The following SH3D19 variants were observed in gnomAD, a reference collection of about 807,000 sequenced individuals.
SH3D19 encodes the protein SH3 domain-containing protein 19.
In SH3D19, 58 loss-of-function variants were observed where a neutral mutation model predicts 112.1. That is an observed-to-expected ratio of 0.52 (90% confidence interval 0.42 to 0.64). SH3D19 has a LOEUF of 0.64. SH3D19 is among the 30% of genes least tolerant of loss of function. The probability of loss-of-function intolerance (pLI) is 0.00; values close to 1 mark genes in which losing one functional copy is unlikely to be tolerated. For missense variants in SH3D19, 1,090 were observed against 1,263.4 expected, an observed-to-expected ratio of 0.86 and a Z score of 2.08; for synonymous variants, 391 against 448.5, an observed-to-expected ratio of 0.87 and a Z score of 1.62.
chr4:151,184,522 G>A (rs183803144), intron 3 of SH3D19, among the ~76,000 whole-genome samples: 1 of 152,218 alleles, frequency 6.6e-6, no homozygotes, highest in African/African-American at 2.4e-5. Flanking sequence ...AGACAACTGA[G>A]TTAAAAACCA....
intron 1 of SH3D19, among the ~76,000 whole-genome samples, chr4:151,313,468 G>C (rs1212426233): frequency 6.6e-6 from 1 of 151,866 alleles, no homozygotes; most frequent in Non-Finnish European, 1.5e-5. Flanking sequence ...CCAGGCTGGA[G>C]TGCAGTGGTG....
chr4:151,215,080 G>A (rs1413598123), intron 2 of SH3D19, among the ~76,000 whole-genome samples: 3 of 151,956 alleles, frequency 2.0e-5, no homozygotes, highest in South Asian at 2.1e-4. Context: ...ATGGGCGGCC[G>A]GGCAGAGACG....
chr4:151,149,982 G>C (rs369664995), intron 9 of SH3D19, among the ~76,000 whole-genome samples: 1 of 151,480 alleles, frequency 6.6e-6, no homozygotes, highest in East Asian at 1.9e-4. Flanking sequence ...TCAGGAGATA[G>C]AGACCATCCT....
At chr4:151,192,711 T>C (rs1465115589) in intron 2 of SH3D19, among the ~76,000 whole-genome samples, 1 of 152,190 alleles carries the variant, frequency 6.6e-6, no homozygotes, top group Non-Finnish European at 1.5e-5. Context: ...TACAAGCCTT[T>C]GTGAACGCTG....
In SH3D19 at chr4:151,299,580, C is replaced by CCA. The variant is rs1728144249; in HGVS notation, c.112+25660_112+25661insTG. Among the ~76,000 whole-genome samples, 6 of 92,798 alleles carry CCA rather than the reference C, an allele frequency of 6.5e-5. No homozygotes were observed. The South Asian group carries it at 2.4e-3, about 37-fold the overall frequency. 60.9% of individuals were successfully genotyped at this position (92,798 alleles called of 152,430 possible). A position where few individuals can be genotyped will look rare whatever the true frequency, so the allele number is the denominator to read the frequency against. ...GGGCAACAAGAGCGAAACTCCGTCT[C>CCA]AAAAAAAAAAAAAAAAAAAAATTAA... On this transcript the variant is annotated intron_variant, in intron 1 of 19. Transcript: ENST00000604030.
At chr4:151,230,475 T>C (rs940050517) in intron 1 of SH3D19, among the ~76,000 whole-genome samples, 2 of 152,182 alleles carry the variant, frequency 1.3e-5, no homozygotes, top group African/African-American at 4.8e-5. Flanking sequence ...CTTACTTTAC[T>C]GACTCAAGTT....
At chr4:151,197,518 G>A (rs1763652469) in intron 2 of SH3D19, among the ~76,000 whole-genome samples, 1 of 152,150 alleles carries the variant, frequency 6.6e-6, no homozygotes, top group African/African-American at 2.4e-5. Flanking sequence ...CAAACAAGGG[G>A]GTGTGTGCAT....
At chr4:151,277,897 C>T (rs760361607) in intron 1 of SH3D19, among the ~76,000 whole-genome samples, 72 of 151,952 alleles carry the variant, frequency 4.7e-4, no homozygotes, top group African/African-American at 1.5e-3. Flanking sequence ...AAAAATTAGC[C>T]GGGCGTGGTG....
At chr4:151,197,908 A>G (rs142425999) in intron 2 of SH3D19, among the ~76,000 whole-genome samples, 41 of 152,332 alleles carry the variant, frequency 2.7e-4, no homozygotes, top group African/African-American at 9.4e-4. Context: ...TGAGGCAGAT[A>G]CTTTTTTTAA....
chr4:151,137,785 C>T lies in SH3D19; in HGVS notation c.2374G>A (p.Gly792Arg). ...ATGCCAATCTGGTTTCTACAGTTCCCTCTGTACCAATCTGTATCTATCTTC... is the reference window on the plus strand; with the variant it reads ...ATGCCAATCTGGTTTCTACAGTTCCTTCTGTACCAATCTGTATCTATCTTC... ...LEKIDTDWYRGNCRNQIGIFP... is the reference protein window; with the variant it reads ...LEKIDTDWYRRNCRNQIGIFP... Residue 792 changes from glycine to arginine, a missense_variant, in exon 14 of 20, where the codon GGG becomes AGG. Coordinates refer to ENST00000604030, the MANE Select transcript of SH3D19 (RefSeq NM_001378122.1). 1 of 1,610,242 alleles carries T rather than the reference C, an allele frequency of 6.2e-7. No homozygotes were observed. The highest frequency in any genetic ancestry group is 8.5e-7 in the Non-Finnish European group (1 of 1,178,406).
chr4:151,169,183 T>C (rs1449433816), intron 7 of SH3D19, among the ~76,000 whole-genome samples: 1 of 152,228 alleles, frequency 6.6e-6, no homozygotes. Context: ...GTATTCAAAG[T>C]GTCCTAGCTT....
Position 151,165,439 on chromosome 4 carries a change from C to T in SH3D19, c.1642+150G>A, listed in dbSNP as rs148843019. The T allele has an allele frequency of 4.6e-4, 284 of 611,424 alleles. 1 individual carries two copies. Among genetic ancestry groups the T allele is most frequent in the African/African-American group, 4.5e-3 (241 of 53,440 alleles). The allele number at this position is 611,424 out of a possible 1,614,324, so 37.9% of individuals were successfully genotyped here. ...ATCCAAATTTACTGAACTAATTCTT[C>T]GAAGAATTGTGAAAAAACAATTTGC... On this transcript the variant is annotated intron_variant, in intron 8 of 19. Coordinates refer to ENST00000604030, the MANE Select transcript of SH3D19 (RefSeq NM_001378122.1).
At chr4:151,208,424 G>A (rs1765427761) in intron 2 of SH3D19, among the ~76,000 whole-genome samples, 1 of 152,152 alleles carries the variant, frequency 6.6e-6, no homozygotes. Flanking sequence ...AGGTTGGAGT[G>A]CAAAGGTGCA....
At chr4:151,200,102 G>T (rs1005813554) in intron 2 of SH3D19, among the ~76,000 whole-genome samples, 1 of 152,150 alleles carries the variant, frequency 6.6e-6, no homozygotes, top group Non-Finnish European at 1.5e-5. Flanking sequence ...CAGGGAGTCT[G>T]CTGGTGTCTT....
intron 1 of SH3D19, among the ~76,000 whole-genome samples, chr4:151,230,022 A>G (rs1769482399): frequency 6.6e-6 from 1 of 152,256 alleles, no homozygotes; most frequent in Non-Finnish European, 1.5e-5. Context: ...GGGGGAACCC[A>G]TGGTATGTCA....
chr4:151,268,710 G>A (rs113846963), intron 1 of SH3D19, among the ~76,000 whole-genome samples: 10,933 of 139,348 alleles, frequency 0.078, 443 homozygotes, highest in East Asian at 0.18. Context: ...TTGTTCTTGC[G>A]ATAGTTTACT....
rs552860449 is a variant in SH3D19, at chr4:151,144,151, G to A, written c.2083-101C>T. ...TGGAGCCTAAAGCATTTAATAATGT[G>A]TAATGGTAGTAACAGAGGCCAGTAA... is the stretch of plus-strand genomic sequence containing the variant. On this transcript the variant is annotated intron_variant, in intron 11 of 19. Coordinates refer to ENST00000604030, the MANE Select transcript of SH3D19 (RefSeq NM_001378122.1). 8.2e-5 allele frequency: 131 copies of A among 1,589,680 alleles called. No individual in the cohort carries two copies. In the African/African-American group the frequency reaches 1.6e-3, roughly 19 times the overall value.
chr4:151,124,386 C>T (rs1459981255), intron 19 of SH3D19, among the ~76,000 whole-genome samples: 2 of 151,782 alleles, frequency 1.3e-5, no homozygotes, highest in African/African-American at 2.4e-5. Context: ...GGATTACAGC[C>T]GTGAGCCACT....
chr4:151,257,064 CTTAT>C (rs144394422), intron 1 of SH3D19, among the ~76,000 whole-genome samples: 14,259 of 151,788 alleles, frequency 0.094, 817 homozygotes, highest in East Asian at 0.21. Flanking sequence ...TTCTTTTCTT[CTTAT>C]TTATTTATTT....
Sources: gnomAD v4.1 joint callset for allele counts (sites outside exome capture counted in the v4.1 genomes callset) on GRCh38, gnomAD v4.1.1 for gene constraint, MANE v1.5 for transcripts, NCBI Gene and HGNC (gene_info 2026-07-23, HGNC 2026-07-21) for gene names.